RAB11FIP3: variants seen among roughly 807,000 people sequenced by gnomAD.
RAB11FIP3 encodes the protein rab11 family-interacting protein 3.
Under a neutral mutation model 77.8 loss-of-function variants are expected in RAB11FIP3, and 17 were observed. That is an observed-to-expected ratio of 0.22 (90% CI 0.15 to 0.33). The LOEUF (loss-of-function observed/expected upper bound fraction) is 0.33. RAB11FIP3 is among the 10% of genes least tolerant of loss of function. RAB11FIP3 has a pLI of 1.00. For synonymous variants in RAB11FIP3, 437 were observed against 448.2 expected (o/e 0.98, Z 0.31); for missense variants, 1,005 against 1,011.2 (o/e 0.99, Z 0.08).
chr16:439,951 C>A (rs982124830), intron 1 of RAB11FIP3, among the ~76,000 whole-genome samples: 1 of 151,760 alleles, frequency 6.6e-6, no homozygotes, highest in Admixed American at 6.6e-5. Flanking sequence ...TCAAGCAATT[C>A]TCCTGCCTCA....
intron 1 of RAB11FIP3, among the ~76,000 whole-genome samples, chr16:449,579 G>C (rs549308810): frequency 2.0e-5 from 3 of 151,360 alleles, no homozygotes; most frequent in Admixed American, 6.6e-5. Flanking sequence ...CTAGGATCTT[G>C]AGGCTGCAGT....
At chr16:432,751 G>A (rs1375925998) in intron 1 of RAB11FIP3, among the ~76,000 whole-genome samples, 2 of 150,814 alleles carry the variant, frequency 1.3e-5, no homozygotes, top group African/African-American at 4.9e-5. Context: ...GATTACAGGC[G>A]CCTGCCACCA....
In RAB11FIP3 at chr16:484,653, G is replaced by A. The variant is rs140770776; in HGVS notation, c.1115+1917G>A. On this transcript the variant is annotated intron_variant, in intron 4 of 13. Coordinates refer to ENST00000262305, the MANE Select transcript of RAB11FIP3 (RefSeq NM_014700.4). ...GAGGTGTGAGCCACCGCGTCTGGCC[G>A]TATTCAGCCCTATTTTTGTGCATTG... Among the ~76,000 whole-genome samples the A allele has an allele frequency of 5.8e-4, 89 of 152,262 alleles. 1 individual carries two copies. In the South Asian group the frequency reaches 6.4e-3, roughly 11 times the overall value.
At chr16:467,790 C>G (rs1301916714) in intron 2 of RAB11FIP3, among the ~76,000 whole-genome samples, 1 of 31,934 alleles carries the variant, frequency 3.1e-5, no homozygotes, top group Non-Finnish European at 5.9e-5. Flanking sequence ...GTGCTGGGGC[C>G]TCAGGGAGGA....
At chr16:477,633 A>G in intron 3 of RAB11FIP3, 1 of 985,444 alleles carries the variant, frequency 1.0e-6, no homozygotes, top group African/African-American at 1.7e-5. Flanking sequence ...GCCGTCCTGC[A>G]GGAGTGGGAG....
In RAB11FIP3 at chr16:506,757, G is replaced by C. The variant is rs973000724; in HGVS notation, c.1499+1130G>C. 6.6e-6 allele frequency among the ~76,000 whole-genome samples: 1 copy of C among 152,214 alleles called. No homozygotes were observed. Among genetic ancestry groups the C allele is most frequent in the Admixed American group, 6.5e-5 (1 of 15,280 alleles). On this transcript the variant is annotated intron_variant, in intron 8 of 13. Coordinates refer to ENST00000262305, the MANE Select transcript of RAB11FIP3 (RefSeq NM_014700.4). This position sits in a 1 kb window ranked among gnomAD's most constrained non-coding sequence, Gnocchi z 4.5. ...ACAAAGCAAAGCATGTGCTCTTGTGGAGTGAAGACCCTGGGCTTGGCGGCT... is the reference window on the plus strand; with the variant it reads ...ACAAAGCAAAGCATGTGCTCTTGTGCAGTGAAGACCCTGGGCTTGGCGGCT...
In RAB11FIP3 at chr16:507,067, G is replaced by A. The variant is rs1203497678; in HGVS notation, c.1499+1440G>A. On this transcript the variant is annotated intron_variant, in intron 8 of 13. Transcript: ENST00000262305. This position sits in a 1 kb window ranked among gnomAD's most constrained non-coding sequence, Gnocchi z 4.6. The stretch of plus-strand genomic sequence containing the variant: ...AGGCTCAAGCGACCCGCCTCCCTCA[G>A]CCTTCGATGTAGCTGGGACTACAGG... Among the ~76,000 whole-genome samples, 1 of 151,444 alleles carries A rather than the reference G, an allele frequency of 6.6e-6. No homozygotes were observed. Among genetic ancestry groups the A allele is most frequent in the African/African-American group, 2.4e-5 (1 of 41,188 alleles).
chr16:509,597 C>T (rs371867706), intron 8 of RAB11FIP3, among the ~76,000 whole-genome samples: 10 of 152,360 alleles, frequency 6.6e-5, no homozygotes, highest in Admixed American at 2.0e-4. Flanking sequence ...TTGTGAAGAT[C>T]TCAGGAAGGC....
chr16:503,177 G>A lies in RAB11FIP3; in HGVS notation c.1395+80G>A, dbSNP rs2031626923. 20 of 1,171,916 alleles carry A rather than the reference G, an allele frequency of 1.7e-5. No homozygotes were observed. The East Asian group carries it at 1.7e-4, about 10-fold the overall frequency. 72.6% of individuals were successfully genotyped at this position (1,171,916 alleles called of 1,614,324 possible). ...GCCTAAGGGCCGCTGCAGACACCCC[G>A]GGAGGTGGGGACAGCACAGCCGGAG... On this transcript the variant is annotated intron_variant, in intron 7 of 13. Coordinates refer to ENST00000262305, the MANE Select transcript of RAB11FIP3 (RefSeq NM_014700.4).
At chr16:478,152 G>T (rs1244686247) in intron 3 of RAB11FIP3, among the ~76,000 whole-genome samples, 1 of 152,106 alleles carries the variant, frequency 6.6e-6, no homozygotes, top group Non-Finnish European at 1.5e-5. Context: ...CCTGGGGTGG[G>T]ACCCTCTGGT....
rs1185653567 is a variant in RAB11FIP3, at chr16:522,108, T to C, written c.*1269T>C. ...GTAAGAGGTCGCCTCCTATTGTACA[T>C]TTGGGGAAAGCCTTGGGTGTAAATC... On this transcript the variant is annotated 3_prime_UTR_variant, in exon 14 of 14. Transcript: ENST00000262305. 1 of 149,964 alleles carries C rather than the reference T, an allele frequency of 6.7e-6. No homozygotes were observed. Among genetic ancestry groups the C allele is most frequent in the East Asian group, 2.0e-4 (1 of 5,000 alleles). 9.3% of individuals were successfully genotyped at this position (149,964 alleles called of 1,614,324 possible).
At position 502,906 on chromosome 16, in the gene RAB11FIP3, C is replaced by G. The variant is rs1164184034; in HGVS notation, c.1302-98C>G. The G allele has an allele frequency of 6.1e-6, 6 of 982,558 alleles. No homozygotes were observed. In the East Asian group the frequency reaches 1.2e-4, roughly 20 times the overall value. 60.9% of individuals were successfully genotyped at this position (982,558 alleles called of 1,614,324 possible). On this transcript the variant is annotated intron_variant, in intron 6 of 13. Coordinates refer to ENST00000262305, the MANE Select transcript of RAB11FIP3 (RefSeq NM_014700.4). ...GGAGGACCTGTCCCCTGCAATGCTG[C>G]TGCCTGCTTTTCAGATTGACTTGGG...
chr16:516,977 G>A (rs994517588), intron 9 of RAB11FIP3, among the ~76,000 whole-genome samples: 6 of 152,240 alleles, frequency 3.9e-5, no homozygotes, highest in African/African-American at 1.4e-4. Context: ...GCTTCCAGAG[G>A]ACAGAGCGGG....
intron 3 of RAB11FIP3, chr16:482,301 C>G (rs1477760455): frequency 1.5e-6 from 1 of 684,620 alleles, no homozygotes; most frequent in East Asian, 2.8e-5. Context: ...AGCGATCCAC[C>G]CACCGAGGCC....
At chr16:498,311 C>T (rs534745133) in intron 6 of RAB11FIP3, among the ~76,000 whole-genome samples, 1 of 152,032 alleles carries the variant, frequency 6.6e-6, no homozygotes, top group Non-Finnish European at 1.5e-5. Flanking sequence ...GGACCTGGGA[C>T]TACAGGTGCG....
Position 433,839 on chromosome 16 carries a change from G to C in RAB11FIP3, c.714+7119G>C, listed in dbSNP as rs1333645575. On this transcript the variant is annotated intron_variant, in intron 1 of 13. Coordinates refer to ENST00000262305, the MANE Select transcript of RAB11FIP3 (RefSeq NM_014700.4). ...CCACTGCACTCCAGTCTGGGTGACA[G>C]AGCGAGACTCTGTCTCAAAAAAAAA... Among the ~76,000 whole-genome samples, 8 of 148,842 alleles carry C rather than the reference G, an allele frequency of 5.4e-5. No homozygotes were observed. The East Asian group carries it at 1.6e-3, about 29-fold the overall frequency.
rs1567391717 is a variant in RAB11FIP3, at chr16:492,358, G to GCCCCTCCCGGGAGACCCGAGGCC, written c.1265+3358_1265+3359insCCCCTCCCGGGAGACCCGAGGCC. 4.4e-5 allele frequency among the ~76,000 whole-genome samples: 4 copies of GCCCCTCCCGGGAGACCCGAGGCC among 90,962 alleles called. 1 individual carries two copies. The East Asian group carries it at 1.2e-3, about 28-fold the overall frequency. 59.7% of individuals were successfully genotyped at this position (90,962 alleles called of 152,430 possible). On this transcript the variant is annotated intron_variant, in intron 5 of 13. Transcript: ENST00000262305. ...GAAAGCAGAAGTGCTCTTTGAAGAG[G>GCCCCTCCCGGGAGACCCGAGGCC]GTCTTCCCGGGAGACCCGAGGCCGC...
intron 2 of RAB11FIP3, among the ~76,000 whole-genome samples, chr16:470,156 C>T (rs2055783996): frequency 6.6e-6 from 1 of 152,112 alleles, no homozygotes; most frequent in South Asian, 2.1e-4. Flanking sequence ...GCCACTATGC[C>T]CAGCTAATTT....
At chr16:500,274 A>T (rs1464582957) in intron 6 of RAB11FIP3, among the ~76,000 whole-genome samples, 1 of 152,186 alleles carries the variant, frequency 6.6e-6, no homozygotes, top group African/African-American at 2.4e-5. Flanking sequence ...GCCAGGCTCG[A>T]CCTACTGCCC....
Sources: allele counts gnomAD v4.1 joint callset (sites outside exome capture counted in the v4.1 genomes callset), GRCh38; gene constraint gnomAD v4.1.1; non-coding constraint Gnocchi (gnomAD v3.1); transcripts MANE v1.5; gene names NCBI Gene and HGNC (gene_info 2026-07-23, HGNC 2026-07-21).